CCNDBP1: variants seen among roughly 807,000 people sequenced by gnomAD.
CCNDBP1 encodes cyclin D1 binding protein 1.
A neutral mutation model predicts 46.2 loss-of-function variants in CCNDBP1; 45 were observed. The ratio of observed to expected loss-of-function variants is 0.97; its 90% CI spans 0.77 to 1.25. CCNDBP1 has a LOEUF of 1.25. Ranked by LOEUF, CCNDBP1 falls within the 50% of genes most tolerant of loss-of-function variation. CCNDBP1 has a pLI of 0.00. For synonymous variants in CCNDBP1, 154 were observed against 163.6 expected, an observed-to-expected ratio of 0.94 and a Z score of 0.45; for missense variants, 436 against 442.1, an observed-to-expected ratio of 0.99 and a Z score of 0.12.
Position 43,195,524 on chromosome 15 carries a change from T to C in CCNDBP1, c.*683T>C, listed in dbSNP as rs997498193. The stretch of plus-strand genomic sequence containing the variant: ...CATACTTGTGTTGTCCTTGGTTACG[T>C]GTGTCCCCAAATGTAAATACCAAAT... On this transcript the variant is annotated 3_prime_UTR_variant, in exon 11 of 11. Coordinates refer to ENST00000300213, the MANE Select transcript of CCNDBP1 (RefSeq NM_012142.5). The C allele has an allele frequency of 6.6e-6, 1 of 152,238 alleles. No individual in the cohort carries two copies. The highest frequency in any genetic ancestry group is 1.5e-5 in the Non-Finnish European group (1 of 68,038). 9.4% of individuals were successfully genotyped at this position (152,238 alleles called of 1,614,324 possible). A position where few individuals can be genotyped will look rare whatever the true frequency, so the allele number is the denominator to read the frequency against.
Position 43,191,630 on chromosome 15 carries a change from C to T in CCNDBP1, c.815C>T (p.Ala272Val), listed in dbSNP as rs2041955210. The T allele has an allele frequency of 3.7e-6, 6 of 1,611,668 alleles. No individual in the cohort carries two copies. Among genetic ancestry groups the T allele is most frequent in the African/African-American group, 1.3e-5 (1 of 75,040 alleles). Reference sequence around the variant, plus strand: ...GAGAATGGGAAGAAGGATCAGGTGGCACAGCTGGATGACATTGTGGATATT... The same window carrying T: ...GAGAATGGGAAGAAGGATCAGGTGGTACAGCTGGATGACATTGTGGATATT... Reference protein sequence around the residue: ...VAENGKKDQVAQLDDIVDISD... With the variant: ...VAENGKKDQVVQLDDIVDISD... Residue 272 changes from alanine to valine, a missense_variant, in exon 8 of 11, where the codon GCA (alanine) becomes GTA (valine). Coordinates refer to ENST00000300213, the MANE Select transcript of CCNDBP1 (RefSeq NM_012142.5).
At chr15:43,191,826 A>C in intron 8 of CCNDBP1, 151 bp downstream of exon 8, 1 of 778,870 alleles carries the variant, frequency 1.3e-6, no homozygotes, top group Non-Finnish European at 2.0e-6. Context: ...ACACCCCTAT[A>C]TCCTTCTATT....
Position 43,189,392 on chromosome 15 carries a change from T to A in CCNDBP1, c.331+112T>A, listed in dbSNP as rs1050066073. On this transcript the variant is annotated intron_variant, in intron 4 of 10. Transcript: ENST00000300213. ...GAACATGTAACTTTCTCCCATAAAA[T>A]ACAGTGAAGGATAATTTTGTAATGT... The A allele has an allele frequency of 5.1e-6, 3 of 589,678 alleles. No individual in the cohort carries two copies. In the East Asian group the frequency reaches 9.1e-5, roughly 18 times the overall value. The allele number at this position is 589,678 out of a possible 1,614,324, so 36.5% of individuals were successfully genotyped here.
In CCNDBP1 at chr15:43,194,519, A is replaced by C. The variant is rs2042013854; in HGVS notation, c.968+58A>C. ...TGAGTAAAACGGAACTGCTGTCCAG[A>C]CGTTCTCAACTCCCTAGCTCCCATT... On this transcript the variant is annotated intron_variant, in intron 10 of 10. Transcript: ENST00000300213. 6.8e-6 allele frequency: 9 copies of C among 1,329,668 alleles called. No homozygotes were observed. In the Admixed American group the frequency reaches 9.9e-5, roughly 15 times the overall value. 82.4% of individuals were successfully genotyped at this position (1,329,668 alleles called of 1,614,324 possible).
chr15:43,191,097 A>G, intron 7 of CCNDBP1, 55 bp downstream of exon 7: 4 of 1,365,254 alleles, frequency 2.9e-6, no homozygotes, highest in Admixed American at 3.4e-5. Context: ...ATGAGAATTA[A>G]TTATAAAGAG....
Position 43,185,490 on chromosome 15 carries a change from G to A in CCNDBP1, c.-9G>A, listed in dbSNP as rs1385988988. Reference sequence around the variant, plus strand: ...GGCCTGTGTTTGCGGCCTTCGGCAAGCGACTGAGATGGCGAGCGCAACTGC... The same window carrying A: ...GGCCTGTGTTTGCGGCCTTCGGCAAACGACTGAGATGGCGAGCGCAACTGC... On this transcript the variant is annotated 5_prime_UTR_variant, in exon 1 of 11. Coordinates refer to ENST00000300213, the MANE Select transcript of CCNDBP1 (RefSeq NM_012142.5). 7 of 1,578,990 alleles carry A rather than the reference G, an allele frequency of 4.4e-6. No homozygotes were observed. Among genetic ancestry groups the A allele is most frequent in the Non-Finnish European group, 6.0e-6 (7 of 1,166,488 alleles).
rs1312947203 is a variant in CCNDBP1 at position 43,196,544 on chromosome 15, T to A, written c.*1703T>A. ...CTCAGGTGATCTGCCCACGTCAGCC[T>A]CCCAAAGTGCTGGGATTACAGATGT... On this transcript the variant is annotated 3_prime_UTR_variant, in exon 11 of 11. Transcript: ENST00000300213. The A allele has an allele frequency of 6.6e-6, 1 of 152,306 alleles. No individual in the cohort carries two copies. The highest frequency in any genetic ancestry group is 6.5e-5 in the Admixed American group (1 of 15,294). 9.4% of individuals were successfully genotyped at this position (152,306 alleles called of 1,614,324 possible). A position where few individuals can be genotyped will look rare whatever the true frequency, so the allele number is the denominator to read the frequency against.
chr15:43,191,294 T>A, intron 7 of CCNDBP1, 101 bp from the exon 8 acceptor site: 1 of 1,287,022 alleles, frequency 7.8e-7, no homozygotes, highest in Admixed American at 2.7e-5. Context: ...CTGGCTAAGA[T>A]TTTTGGACAA....
At chr15:43,190,529 A>T in intron 6 of CCNDBP1, 131 bp downstream of exon 6, 2 of 643,116 alleles carry the variant, frequency 3.1e-6, no homozygotes, top group Non-Finnish European at 5.2e-6. Flanking sequence ...TTTATTAATG[A>T]AATTAATAGG....
chr15:43,186,019 C>G, intron 2 of CCNDBP1, 135 bp from the exon 3 acceptor site: 4 of 1,170,768 alleles, frequency 3.4e-6, no homozygotes, highest in Non-Finnish European at 5.0e-6. Flanking sequence ...ACCTCAGCAC[C>G]TGAGAGGGTG....
rs1487221065 is a variant in CCNDBP1, at chr15:43,194,717, C to G, written c.969-10C>G. The stretch of plus-strand genomic sequence containing the variant: ...AAGTTTAACTTACTTCTTTCCTATT[C>G]TATTCACAGAGCAAGTCATGTGACC... On this transcript the variant is annotated splice_polypyrimidine_tract_variant and intron_variant, in intron 10 of 10. Transcript: ENST00000300213. The G allele has an allele frequency of 9.0e-6, 14 of 1,560,738 alleles. No homozygotes were observed. The highest frequency in any genetic ancestry group is 1.4e-5 in the African/African-American group (1 of 73,818).
rs1567266705 is a variant in CCNDBP1, at chr15:43,195,048, A to G, written c.*207A>G. 1 of 410,268 alleles carries G rather than the reference A, an allele frequency of 2.4e-6. No homozygotes were observed. The highest frequency in any genetic ancestry group is 4.3e-6 in the Non-Finnish European group (1 of 231,898). The allele number at this position is 410,268 out of a possible 1,614,324, so 25.4% of individuals were successfully genotyped here. A position where few individuals can be genotyped will look rare whatever the true frequency, so the allele number is the denominator to read the frequency against. On this transcript the variant is annotated 3_prime_UTR_variant, in exon 11 of 11. Coordinates refer to ENST00000300213, the MANE Select transcript of CCNDBP1 (RefSeq NM_012142.5). ...ATGCGTATATTTTTCTGTGCTATATATGAAAAATAATTGCATGATTTCTCA... is the reference window on the plus strand; with the variant it reads ...ATGCGTATATTTTTCTGTGCTATATGTGAAAAATAATTGCATGATTTCTCA...
chr15:43,191,343 C>CTTTTTTTTTTTTTTTT lies in CCNDBP1; in HGVS notation c.580-45_580-30dup, dbSNP rs3214529. ...GTAAAAGTATAATAATAGGCCTCGC[C>CTTTTTTTTTTTTTTTT]TTTTTTTTTTTTTTTTTTTTTTGCA... On this transcript the variant is annotated intron_variant, in intron 7 of 10. Transcript: ENST00000300213. 4 of 682,544 alleles carry CTTTTTTTTTTTTTTTT rather than the reference C, an allele frequency of 5.9e-6. 1 individual carries two copies. Among genetic ancestry groups the CTTTTTTTTTTTTTTTT allele is most frequent in the East Asian group, 3.4e-5 (1 of 29,050 alleles). The allele number at this position is 682,544 out of a possible 1,614,324, so 42.3% of individuals were successfully genotyped here.
At position 43,194,530 on chromosome 15, in the gene CCNDBP1, T is replaced by A. The variant is rs1423955884; in HGVS notation, c.968+69T>A. 2.4e-6 allele frequency: 3 copies of A among 1,244,786 alleles called. No individual in the cohort carries two copies. In the East Asian group the frequency reaches 7.1e-5, roughly 29 times the overall value. 77.1% of individuals were successfully genotyped at this position (1,244,786 alleles called of 1,614,324 possible). A position where few individuals can be genotyped will look rare whatever the true frequency, so the allele number is the denominator to read the frequency against. On this transcript the variant is annotated intron_variant, in intron 10 of 10. Transcript: ENST00000300213. ...GAACTGCTGTCCAGACGTTCTCAACTCCCTAGCTCCCATTTCAAGGAGTGG... is the reference window on the plus strand; with the variant it reads ...GAACTGCTGTCCAGACGTTCTCAACACCCTAGCTCCCATTTCAAGGAGTGG...
chr15:43,189,689 G>T, intron 4 of CCNDBP1: 1 of 320,026 alleles, frequency 3.1e-6, no homozygotes, highest in Non-Finnish European at 5.8e-6. Context: ...GTAGAATCAT[G>T]CATTGATTAT....
In CCNDBP1 at chr15:43,191,043, G is replaced by A; in HGVS notation, c.579+1G>A. ...GGATGCACATGAAGAAATGGAGCAG[G>A]TGAGGGGACCTCCATCATTGGAAGG... is the stretch of plus-strand genomic sequence containing the variant. On this transcript the variant is annotated splice_donor_variant, in intron 7 of 10. Coordinates refer to ENST00000300213, the MANE Select transcript of CCNDBP1 (RefSeq NM_012142.5). LOFTEE classifies it high-confidence loss of function. 6.2e-7 allele frequency: 1 copy of A among 1,611,500 alleles called. No individual in the cohort carries two copies. Among genetic ancestry groups the A allele is most frequent in the Non-Finnish European group, 8.5e-7 (1 of 1,177,616 alleles).
At chr15:43,189,130 AGAAAT>A in intron 3 of CCNDBP1, 64 bp from the exon 4 acceptor site, 1 of 632,756 alleles carries the variant, frequency 1.6e-6, no homozygotes, top group African/African-American at 1.9e-5. Context: ...GAAAAAGAAA[AGAAAT>A]ATCTGCTCTA....
intron 3 of CCNDBP1, among the ~76,000 whole-genome samples, chr15:43,187,850 C>T (rs2041878140): frequency 6.6e-6 from 1 of 151,864 alleles, no homozygotes; most frequent in Non-Finnish European, 1.5e-5. Flanking sequence ...GAAATATATA[C>T]AAATATTCAA....
chr15:43,189,077 C>CAAAAAAAAAA (rs763476042), intron 3 of CCNDBP1, 122 bp from the exon 4 acceptor site: 21 of 152,124 alleles, frequency 1.4e-4, no homozygotes, highest in African/African-American at 7.8e-4. Context: ...GACTCTGTCT[C>CAAAAAAAAAA]AAAAAAAAAA....
Sources: allele counts gnomAD v4.1 joint callset (sites outside exome capture counted in the v4.1 genomes callset), GRCh38; gene constraint gnomAD v4.1.1; transcripts MANE v1.5; gene names NCBI Gene and HGNC (gene_info 2026-07-23, HGNC 2026-07-21).